Variants in GNG12 observed in about 807,000 individuals in gnomAD.
The protein encoded by GNG12 is G protein subunit gamma 12.
For missense variants in GNG12, 69 were observed against 83.8 expected (o/e 0.82, Z 0.69); for synonymous variants, 28 against 29.7 (o/e 0.94, Z 0.19).
At chr1:67,736,310 C>T (rs907327457) in intron 2 of GNG12, among the ~76,000 whole-genome samples, 3 of 152,088 alleles carry the variant, frequency 2.0e-5, no homozygotes, top group African/African-American at 4.8e-5. Context: ...TCCCAACCCC[C>T]GAACCAAGCA....
chr1:67,783,507 G>C (rs1052336939), intron 1 of GNG12, among the ~76,000 whole-genome samples: 5 of 152,052 alleles, frequency 3.3e-5, no homozygotes, highest in African/African-American at 9.7e-5. Flanking sequence ...CACAGCAAAA[G>C]AAACTACCAT....
At chr1:67,767,298 C>T (rs1449409334) in intron 2 of GNG12, among the ~76,000 whole-genome samples, 1 of 152,120 alleles carries the variant, frequency 6.6e-6, no homozygotes, top group Non-Finnish European at 1.5e-5. Context: ...TCTAATGAGA[C>T]TGACAGGGGT....
chr1:67,831,275 GT>G (rs1180451009), intron 1 of GNG12, among the ~76,000 whole-genome samples: 7 of 152,286 alleles, frequency 4.6e-5, no homozygotes, highest in Middle Eastern at 3.4e-3. Context: ...ACTTCCTCAA[GT>G]TTTCTGACCA....
intron 1 of GNG12, among the ~76,000 whole-genome samples, chr1:67,818,789 T>C (rs1291006097): frequency 6.6e-6 from 1 of 152,162 alleles, no homozygotes; most frequent in Non-Finnish European, 1.5e-5. Context: ...TCACACCTAT[T>C]AACTCATTTA....
chr1:67,704,828 C>T lies in GNG12; in HGVS notation c.*623G>A, dbSNP rs1646236838. 1 of 152,428 alleles carries T rather than the reference C, an allele frequency of 6.6e-6. No homozygotes were observed. Among genetic ancestry groups the T allele is most frequent in the Non-Finnish European group, 1.5e-5 (1 of 68,026 alleles). The allele number at this position is 152,428 out of a possible 1,614,324, so 9.4% of individuals were successfully genotyped here. A position where few individuals can be genotyped will look rare whatever the true frequency, so the allele number is the denominator to read the frequency against. The stretch of plus-strand genomic sequence containing the variant: ...CAATGAATACAATCTTTAGGATACT[C>T]TTTACTTTTTGTACAATAACGATAT... On this transcript the variant is annotated 3_prime_UTR_variant, in exon 4 of 4. Transcript: ENST00000370982.
chr1:67,731,726 C>T (rs762930743), intron 2 of GNG12, among the ~76,000 whole-genome samples: 28 of 152,158 alleles, frequency 1.8e-4, no homozygotes, highest in Non-Finnish European at 2.8e-4. Context: ...AAATTTAAAG[C>T]GGGGCATGAT....
intron 2 of GNG12, among the ~76,000 whole-genome samples, chr1:67,720,940 T>C (rs1646353240): frequency 6.6e-6 from 1 of 152,206 alleles, no homozygotes; most frequent in African/African-American, 2.4e-5. Flanking sequence ...ATTAATAATA[T>C]ATTCTTAAGA....
intron 1 of GNG12, among the ~76,000 whole-genome samples, chr1:67,820,747 T>C (rs543521144): frequency 1.3e-5 from 2 of 152,326 alleles, no homozygotes; most frequent in African/African-American, 4.8e-5. Context: ...CAGTATTCCC[T>C]AGCTCAGCTA....
chr1:67,827,571 G>A (rs1273024264), intron 1 of GNG12, among the ~76,000 whole-genome samples: 1 of 151,934 alleles, frequency 6.6e-6, no homozygotes, highest in African/African-American at 2.4e-5. Flanking sequence ...GACTACAGGC[G>A]ACCGCCACCA....
At chr1:67,706,071 G>C (rs1646245736) in intron 3 of GNG12, among the ~76,000 whole-genome samples, 1 of 152,096 alleles carries the variant, frequency 6.6e-6, no homozygotes. Flanking sequence ...TGTGTGTACA[G>C]ACAGAAGGAG....
chr1:67,747,463 T>C (rs1025053731), intron 2 of GNG12, among the ~76,000 whole-genome samples: 2 of 152,194 alleles, frequency 1.3e-5, no homozygotes, highest in Non-Finnish European at 2.9e-5. Context: ...GACTGTATCA[T>C]CTTTGGAGTA....
rs35537609 is a variant in GNG12 at position 67,821,338 on chromosome 1, CA to C, written c.-77+12005del. Reference sequence around the variant, plus strand: ...CAAAGAGATGCAGCAAAAACAAAAACAAAAAAAAACATCAGAGAGATCCCAA... The same window carrying C: ...CAAAGAGATGCAGCAAAAACAAAAACAAAAAAAACATCAGAGAGATCCCAA... On this transcript the variant is annotated intron_variant, in intron 1 of 3. Coordinates refer to ENST00000370982, the MANE Select transcript of GNG12 (RefSeq NM_018841.6). Among the ~76,000 whole-genome samples, 564 of 150,888 alleles carry C rather than the reference CA, an allele frequency of 3.7e-3. 2 individuals carry two copies. Among genetic ancestry groups the C allele is most frequent in the Admixed American group, 7.1e-3 (108 of 15,172 alleles).
At chr1:67,713,879 T>G (rs1430163720) in intron 2 of GNG12, among the ~76,000 whole-genome samples, 1 of 152,238 alleles carries the variant, frequency 6.6e-6, no homozygotes, top group African/African-American at 2.4e-5. Context: ...GAAAAACATG[T>G]GCTTGGTGGG....
chr1:67,712,218 T>C (rs1014670907), intron 2 of GNG12, among the ~76,000 whole-genome samples: 1 of 152,224 alleles, frequency 6.6e-6, no homozygotes, highest in African/African-American at 2.4e-5. Flanking sequence ...ACTAGGTAGA[T>C]AAAAAGCTTG....
intron 1 of GNG12, among the ~76,000 whole-genome samples, chr1:67,802,105 A>G (rs1362955868): frequency 1.3e-5 from 2 of 152,076 alleles, no homozygotes; most frequent in African/African-American, 2.4e-5. Flanking sequence ...AGAGAATGAG[A>G]AAAAGGCATT....
At chr1:67,805,586 T>C (rs1391012342) in intron 1 of GNG12, among the ~76,000 whole-genome samples, 1 of 151,800 alleles carries the variant, frequency 6.6e-6, no homozygotes. Context: ...CTTGAAGATA[T>C]GACAACAGAA....
intron 1 of GNG12, among the ~76,000 whole-genome samples, chr1:67,814,396 A>T (rs1557625847): frequency 1.3e-5 from 2 of 152,352 alleles, no homozygotes; most frequent in East Asian, 3.9e-4. Flanking sequence ...ACAGTCAACT[A>T]AAGGCATAAT....
intron 2 of GNG12, among the ~76,000 whole-genome samples, chr1:67,754,055 G>T (rs1646554204): frequency 6.6e-6 from 1 of 152,160 alleles, no homozygotes; most frequent in Non-Finnish European, 1.5e-5. Context: ...GCAGCTCAGT[G>T]TAACAACTTT....
chr1:67,796,377 C>T (rs185070464), intron 1 of GNG12, among the ~76,000 whole-genome samples: 233 of 152,222 alleles, frequency 1.5e-3, no homozygotes, highest in African/African-American at 5.5e-3. Flanking sequence ...TTGAGGCCTG[C>T]ATTTCCATAC....
Sources: allele counts gnomAD v4.1 joint callset (sites outside exome capture counted in the v4.1 genomes callset), GRCh38; gene constraint gnomAD v4.1.1; transcripts MANE v1.5; gene names NCBI Gene and HGNC (gene_info 2026-07-23, HGNC 2026-07-21).